The following GRID2IP variants were observed in gnomAD, a reference collection of about 807,000 sequenced individuals.
GRID2IP encodes the protein delphilin.
In GRID2IP, 78 loss-of-function variants were observed where a neutral mutation model predicts 114.3. The ratio of observed to expected loss-of-function variants is 0.68; its 90% CI spans 0.57 to 0.82. The LOEUF (loss-of-function observed/expected upper bound fraction) is 0.82. Ranked by LOEUF, GRID2IP falls within the 40% of genes least tolerant of loss-of-function variation. GRID2IP has a pLI of 0.00. For synonymous variants in GRID2IP, 809 were observed against 724.0 expected (o/e 1.12, Z -1.89); for missense variants, 1,727 against 1,678.5 (o/e 1.03, Z -0.51).
chr7:6,507,165 T>G lies in GRID2IP; in HGVS notation c.2544+820A>C, dbSNP rs1330552884. The stretch of plus-strand genomic sequence containing the variant: ...AAGAAGATGGAGTTGAGGATGATGG[T>G]GATCATGAGCACTGGGACGGGGCAG... On this transcript the variant is annotated intron_variant, in intron 13 of 21. Transcript: ENST00000457091. This position sits in a 1 kb window ranked among gnomAD's most constrained non-coding sequence, Gnocchi z 5.3. 6.6e-6 allele frequency among the ~76,000 whole-genome samples: 1 copy of G among 152,162 alleles called. No homozygotes were observed. The highest frequency in any genetic ancestry group is 1.5e-5 in the Non-Finnish European group (1 of 68,026).
At chr7:6,549,797 T>A (rs537774957) in intron 1 of GRID2IP, among the ~76,000 whole-genome samples, 15 of 151,620 alleles carry the variant, frequency 9.9e-5, no homozygotes, top group Admixed American at 8.5e-4. Context: ...GGTTTTTTTT[T>A]TTTTTATATT....
intron 21 of GRID2IP, 107 bp downstream of exon 21, chr7:6,497,957 G>T: frequency 7.2e-7 from 1 of 1,391,900 alleles, no homozygotes; most frequent in Non-Finnish European, 9.7e-7. Context: ...GGGACATGTC[G>T]CTCACTGGAG....
chr7:6,508,069 G>C lies in GRID2IP; in HGVS notation c.2460C>G (p.His820Gln). ...APPMLSRGLG[H>Q]RRSETSHMSV... ...TCATGTGGCTGGTCTCACTGCGCCG[G>C]TGGCCCAGGCCCCGGGACAGCATGG... Residue 820 changes from histidine to glutamine, a missense_variant, in exon 13 of 22, where the codon CAC becomes CAG. Coordinates refer to ENST00000457091, the MANE Select transcript of GRID2IP (RefSeq NM_001145118.2). This position sits in a 1 kb window ranked among gnomAD's most constrained non-coding sequence, Gnocchi z 5.6. The C allele has an allele frequency of 6.5e-7, 1 of 1,548,164 alleles. No individual in the cohort carries two copies. The highest frequency in any genetic ancestry group is 8.7e-7 in the Non-Finnish European group (1 of 1,146,622).
rs559981558 is a variant in GRID2IP at position 6,536,240 on chromosome 7, G to A, written c.584+3478C>T. ...ACTGCCAGGGTAACATTCTCCTTGCGGAGCCCAGCTGGGCGCCGCCCCTTC... is the reference window on the plus strand; with the variant it reads ...ACTGCCAGGGTAACATTCTCCTTGCAGAGCCCAGCTGGGCGCCGCCCCTTC... On this transcript the variant is annotated intron_variant, in intron 2 of 21. Coordinates refer to ENST00000457091, the MANE Select transcript of GRID2IP (RefSeq NM_001145118.2). This position sits in a 1 kb window ranked among gnomAD's most constrained non-coding sequence, Gnocchi z 5.3. 1.3e-5 allele frequency among the ~76,000 whole-genome samples: 2 copies of A among 152,290 alleles called. No homozygotes were observed. The highest frequency in any genetic ancestry group is 6.5e-5 in the Admixed American group (1 of 15,298).
At position 6,503,689 on chromosome 7, in the gene GRID2IP, T is replaced by C; in HGVS notation, c.2711-2A>G. ...GCTTCAGGTGTGCCAAGAGGATGGC[T>C]GCGGGCGGGGCGGGGCGGTGAGCTG... On this transcript the variant is annotated splice_acceptor_variant, in intron 15 of 21. Transcript: ENST00000457091. LOFTEE classifies it high-confidence loss of function. 1 of 1,364,420 alleles carries C rather than the reference T, an allele frequency of 7.3e-7. No individual in the cohort carries two copies. Among genetic ancestry groups the C allele is most frequent in the Middle Eastern group, 2.5e-4 (1 of 3,982 alleles). 84.5% of individuals were successfully genotyped at this position (1,364,420 alleles called of 1,614,324 possible). A position where few individuals can be genotyped will look rare whatever the true frequency, so the allele number is the denominator to read the frequency against.
In GRID2IP at chr7:6,539,736, G is replaced by C; in HGVS notation, c.566C>G (p.Pro189Arg). Reference sequence around the variant, plus strand: ...GCAGTACCTGAGGTTGTCCAGGAGTGGCCCGCAGGCCTCTCGGGGCAGCGC... The same window carrying C: ...GCAGTACCTGAGGTTGTCCAGGAGTCGCCCGCAGGCCTCTCGGGGCAGCGC... ...TLALPREACGPLLDNLRIFIP... is the reference protein window; with the variant it reads ...TLALPREACGRLLDNLRIFIP... Residue 189 changes from proline (P) to arginine (R), a missense_variant, in exon 2 of 22, where the codon CCA becomes CGA. Transcript: ENST00000457091. The C allele has an allele frequency of 6.5e-7, 1 of 1,549,362 alleles. No homozygotes were observed. The highest frequency in any genetic ancestry group is 8.7e-7 in the Non-Finnish European group (1 of 1,146,690).
rs1779422309 is a variant in GRID2IP, at chr7:6,522,035, A to G, written c.920-78T>C. 5 of 1,206,222 alleles carry G rather than the reference A, an allele frequency of 4.1e-6. No individual in the cohort carries two copies. In the Admixed American group the frequency reaches 8.0e-5, roughly 19 times the overall value. The allele number at this position is 1,206,222 out of a possible 1,614,324, so 74.7% of individuals were successfully genotyped here. ...AGAGCAGGATGCTATCCTGTTTTAC[A>G]GGCGAGAAATGGAGACTCAGAGACC... On this transcript the variant is annotated intron_variant, in intron 4 of 21. Coordinates refer to ENST00000457091, the MANE Select transcript of GRID2IP (RefSeq NM_001145118.2).
rs558876508 is a variant in GRID2IP at position 6,526,104 on chromosome 7, C to T, written c.919+120G>A. 223 of 732,502 alleles carry T rather than the reference C, an allele frequency of 3.0e-4. No homozygotes were observed. The highest frequency in any genetic ancestry group is 4.9e-4 in the Non-Finnish European group (206 of 417,438). 45.4% of individuals were successfully genotyped at this position (732,502 alleles called of 1,614,324 possible). A position where few individuals can be genotyped will look rare whatever the true frequency, so the allele number is the denominator to read the frequency against. On this transcript the variant is annotated intron_variant, in intron 4 of 21. Coordinates refer to ENST00000457091, the MANE Select transcript of GRID2IP (RefSeq NM_001145118.2). The surrounding 1 kb of genome is among the most constrained non-coding windows in gnomAD (Gnocchi z 7.6). ...CGGTCTACACAAGGATGGTACCTGACGTGGAGGGGTTGCTGAGCAGGAGCC... is the reference window on the plus strand; with the variant it reads ...CGGTCTACACAAGGATGGTACCTGATGTGGAGGGGTTGCTGAGCAGGAGCC...
chr7:6,546,386 A>G (rs1779888156), intron 1 of GRID2IP, among the ~76,000 whole-genome samples: 1 of 151,010 alleles, frequency 6.6e-6, no homozygotes, highest in South Asian at 2.1e-4. Context: ...CAAGCCACCA[A>G]GCCTGGCCTG....
chr7:6,510,730 C>T lies in GRID2IP; in HGVS notation c.1556-24G>A, dbSNP rs769295632. ...ACCTACCGGGGAATAATGTCATTAC[C>T]GTATCTGAGCTCTACGGCTCAGGCC... On this transcript the variant is annotated intron_variant, in intron 9 of 21. Transcript: ENST00000457091. 112 of 1,539,758 alleles carry T rather than the reference C, an allele frequency of 7.3e-5. 1 individual carries two copies. Among genetic ancestry groups the T allele is most frequent in the Middle Eastern group, 1.7e-4 (1 of 5,988 alleles).
chr7:6,539,639 G>T (rs943315352), intron 2 of GRID2IP, 79 bp downstream of exon 2: 7 of 1,343,892 alleles, frequency 5.2e-6, no homozygotes, highest in Non-Finnish European at 6.0e-6. Context: ...TGGAAGGGGT[G>T]CCTGGGGTGG....
At chr7:6,543,698 C>G (rs1181916211) in intron 1 of GRID2IP, among the ~76,000 whole-genome samples, 1 of 151,994 alleles carries the variant, frequency 6.6e-6, no homozygotes, top group Non-Finnish European at 1.5e-5. Flanking sequence ...TGGCCTTGAA[C>G]TCCTGTGTTC....
chr7:6,522,805 A>G (rs1011711799), intron 4 of GRID2IP, among the ~76,000 whole-genome samples: 2 of 57,044 alleles, frequency 3.5e-5, no homozygotes, highest in South Asian at 9.0e-4. Context: ...TGCCTGGCTA[A>G]TATGTGTGTG....
rs765615291 is a variant in GRID2IP at position 6,498,082 on chromosome 7, C to T, written c.3546G>A (p.Glu1182=). Residue 1182 remains glutamate (E), a synonymous_variant, in exon 21 of 22, where the codon GAG becomes GAA. Transcript: ENST00000457091. ...GGCTCACCTCGAATTTGCTCATGAACTCTGCAAAGATGCCGAAGAAAGCCT... is the reference window on the plus strand; with the variant it reads ...GGCTCACCTCGAATTTGCTCATGAATTCTGCAAAGATGCCGAAGAAAGCCT... ...TSEAFFGIFA[E]FMSKFERALS... 45 of 1,550,818 alleles carry T rather than the reference C, an allele frequency of 2.9e-5. No homozygotes were observed. Among genetic ancestry groups the T allele is most frequent in the Non-Finnish European group, 3.8e-5 (43 of 1,146,658 alleles).
chr7:6,540,532 A>T (rs1235288404), intron 1 of GRID2IP, among the ~76,000 whole-genome samples: 2 of 150,504 alleles, frequency 1.3e-5, no homozygotes, highest in Non-Finnish European at 3.0e-5. Flanking sequence ...TTATTTATTT[A>T]TTTTTTGTGA....
chr7:6,504,341 G>T (rs2115355529), intron 15 of GRID2IP, among the ~76,000 whole-genome samples: 1 of 150,290 alleles, frequency 6.7e-6, no homozygotes, highest in African/African-American at 2.4e-5. Context: ...CTACAGGGAG[G>T]AGACCGAATG....
intron 2 of GRID2IP, among the ~76,000 whole-genome samples, chr7:6,538,557 AC>A (rs1396066099): frequency 6.6e-6 from 1 of 151,148 alleles, no homozygotes; most frequent in Non-Finnish European, 1.5e-5. Context: ...ACAGAGCGAG[AC>A]CCTGTCTCAA....
intron 18 of GRID2IP, among the ~76,000 whole-genome samples, chr7:6,502,483 G>A (rs1030370970): frequency 7.9e-5 from 12 of 152,172 alleles, no homozygotes; most frequent in South Asian, 6.2e-4. Flanking sequence ...CCAAAGTGCC[G>A]GGATTACAGG....
At position 6,519,108 on chromosome 7, in the gene GRID2IP, C is replaced by T. The variant is rs1779366545; in HGVS notation, c.1268+1470G>A. ...TAATTTTTTCTTTTTGTAGAGATGG[C>T]TTCTTGCTCTGTTGCCCAGACTGGT... On this transcript the variant is annotated intron_variant, in intron 7 of 21. Transcript: ENST00000457091. The surrounding 1 kb of genome is among the most constrained non-coding windows in gnomAD (Gnocchi z 4.1). Among the ~76,000 whole-genome samples, 1 of 151,804 alleles carries T rather than the reference C, an allele frequency of 6.6e-6. No individual in the cohort carries two copies. The highest frequency in any genetic ancestry group is 2.4e-5 in the African/African-American group (1 of 41,328).
Sources: gnomAD v4.1 joint callset for allele counts (sites outside exome capture counted in the v4.1 genomes callset) on GRCh38, gnomAD v4.1.1 for gene constraint, Gnocchi (gnomAD v3.1) non-coding constraint, MANE v1.5 for transcripts, NCBI Gene and HGNC (gene_info 2026-07-23, HGNC 2026-07-21) for gene names.